The following MAP1A variants were observed in gnomAD, a reference collection of about 807,000 sequenced individuals.
MAP1A encodes microtubule associated protein 1A.
In MAP1A, 42 loss-of-function variants were observed where a neutral mutation model predicts 185.9. The ratio of observed to expected loss-of-function variants is 0.23; its 90% CI spans 0.18 to 0.29. The LOEUF is 0.29. Among genes scored for constraint, MAP1A ranks in the 10% least tolerant of loss-of-function variants. The probability of loss-of-function intolerance (pLI) is 1.00; values close to 1 mark genes in which losing one functional copy is unlikely to be tolerated. For synonymous variants in MAP1A, 1,229 were observed against 1,335.9 expected (o/e 0.92, Z 1.74); for missense variants, 2,995 against 3,450.4 (o/e 0.87, Z 3.31).
chr15:43,522,410 A>G lies in MAP1A; in HGVS notation c.937A>G (p.Ile313Val). The change falls in exon 4 of 6, where the codon ATC becomes GTC. Residue 313 changes from isoleucine (I) to valine (V), a missense_variant. By Grantham distance (29) the Ile-to-Val change is conservative (BLOSUM62 3). Around this residue, in one of 3 missense-constraint regions of MAP1A, gnomAD observed 264 missense variants for 435.3 expected, o/e 0.61. Transcript: ENST00000300231. This position sits in a 1 kb window ranked among gnomAD's most constrained non-coding sequence, Gnocchi z 5.9. ...GCCTACCAACCTCAAGCCCAGCAAA[A>G]TCAAACAGCGGGCTGATAGCAAGGA... ...AVPTNLKPSKIKQRADSKESL... is the reference protein window; with the variant it reads ...AVPTNLKPSKVKQRADSKESL... The G allele has an allele frequency of 6.2e-7, 1 of 1,614,104 alleles. No homozygotes were observed. The highest frequency in any genetic ancestry group is 8.5e-7 in the Non-Finnish European group (1 of 1,180,022).
upstream of MAP1A, among the ~76,000 whole-genome samples, chr15:43,516,743 T>C (rs1353105878): frequency 6.6e-6 from 1 of 152,202 alleles, no homozygotes; most frequent in East Asian, 1.9e-4. Flanking sequence ...AAAGTCATTA[T>C]AGGGTTTTTT....
chr15:43,524,477 C>T lies in MAP1A; in HGVS notation c.3004C>T (p.Pro1002Ser). ...VKMASPPPSG[P>S]PSATHTPFHQ... is the part of the protein sequence containing the mutation. ...GATGGCTTCTCCTCCACCATCTGGCCCACCCAGTGCCACCCACACACCCTT... is the reference window on the plus strand; with the variant it reads ...GATGGCTTCTCCTCCACCATCTGGCTCACCCAGTGCCACCCACACACCCTT... Residue 1002 changes from proline (P) to serine (S), a missense_variant, in exon 4 of 6, where the codon CCA becomes TCA. Around this residue, in one of 3 missense-constraint regions of MAP1A, gnomAD observed 2,728 missense variants for 2,986.0 expected, o/e 0.91. Transcript: ENST00000300231. The T allele has an allele frequency of 6.2e-7, 1 of 1,614,104 alleles. No individual in the cohort carries two copies. The highest frequency in any genetic ancestry group is 8.5e-7 in the Non-Finnish European group (1 of 1,180,024).
In MAP1A at chr15:43,524,830, C is replaced by T. The variant is rs551174213; in HGVS notation, c.3357C>T (p.Pro1119=). ...CAATTCTGGGAGCAGAAGCCCTTCCCGGAGGTTTGAGGACTTTACCCCAAG... is the reference window on the plus strand; with the variant it reads ...CAATTCTGGGAGCAGAAGCCCTTCCTGGAGGTTTGAGGACTTTACCCCAAG... ...TGPILGAEAL[P]GGLRTLPQEP... Residue 1119 remains proline (P), a synonymous_variant, in exon 4 of 6, where the codon CCC becomes CCT. Transcript: ENST00000300231. The T allele has an allele frequency of 4.8e-5, 78 of 1,614,100 alleles. No individual in the cohort carries two copies. The South Asian group carries it at 7.2e-4, about 15-fold the overall frequency.
At position 43,528,310 on chromosome 15, in the gene MAP1A, T is replaced by C. The variant is rs1263977202; in HGVS notation, c.6837T>C (p.Leu2279=). The C allele has an allele frequency of 6.2e-7, 1 of 1,614,106 alleles. No homozygotes were observed. The highest frequency in any genetic ancestry group is 1.3e-5 in the African/African-American group (1 of 75,062). The change falls in exon 4 of 6, where the codon CTT becomes CTC. Residue 2279 remains leucine (L), a synonymous_variant. Transcript: ENST00000300231. ...TGGCGGAGCGCTTCTCTCCAAGCCT[T>C]GAGGCTGCAGAACAGGAGTCTGGAG... ...SSVAERFSPS[L]EAAEQESGEL...
chr15:43,518,714 C>A (rs542859244), intron 1 of MAP1A, among the ~76,000 whole-genome samples: 16 of 138,398 alleles, frequency 1.2e-4, no homozygotes, highest in East Asian at 6.6e-4. Flanking sequence ...GCCCACCCCC[C>A]CCCGCAACTC....
At chr15:43,514,068 C>T (rs2079290610), upstream of MAP1A, among the ~76,000 whole-genome samples, 3 of 152,192 alleles carry the variant, frequency 2.0e-5, no homozygotes, top group South Asian at 6.2e-4. Context: ...TGGGAAGACA[C>T]TTACAGAGAG....
Position 43,524,749 on chromosome 15 carries a change from A to T in MAP1A, c.3276A>T (p.Pro1092=). ...GLTGCTIQLL[P]AQDKAIVFEI... ...CAGGCTGTACCATTCAACTGTTGCC[A>T]GCACAGGATAAAGCAATAGTCTTTG... The change falls in exon 4 of 6, where the codon CCA becomes CCT. Residue 1092 remains proline (P), a synonymous_variant. Coordinates refer to ENST00000300231, the MANE Select transcript of MAP1A (RefSeq NM_002373.6). 6.2e-7 allele frequency: 1 copy of T among 1,614,150 alleles called. No individual in the cohort carries two copies. The highest frequency in any genetic ancestry group is 8.5e-7 in the Non-Finnish European group (1 of 1,180,002).
At position 43,523,830 on chromosome 15, in the gene MAP1A, C is replaced by T. The variant is rs1192773228; in HGVS notation, c.2357C>T (p.Ala786Val). ...CCTGAAGGTGCTGGCCCATTCGAAG[C>T]CAGCCAACCTGCCGATAGTGCTGTT... ...PGPEGAGPFEASQPADSAVPA... is the reference protein window; with the variant it reads ...PGPEGAGPFEVSQPADSAVPA... Residue 786 changes from alanine (A) to valine (V), a missense_variant, in exon 4 of 6, where the codon GCC becomes GTC. Physicochemically the swap from Ala to Val is moderately conservative, Grantham distance 64. Transcript: ENST00000300231. 8 of 1,613,944 alleles carry T rather than the reference C, an allele frequency of 5.0e-6. No homozygotes were observed.
rs1019741553 is a variant in MAP1A at position 43,529,594 on chromosome 15, G to A, written c.8036-56G>A. The A allele has an allele frequency of 6.2e-7, 1 of 1,608,040 alleles. No homozygotes were observed. The highest frequency in any genetic ancestry group is 2.2e-5 in the East Asian group (1 of 44,816). On this transcript the variant is annotated intron_variant, in intron 4 of 5. Transcript: ENST00000300231. The surrounding 1 kb of genome is among the most constrained non-coding windows in gnomAD (Gnocchi z 4.3). ...ACTTCAGGAGTGGGACAGAGGGGAA[G>A]GTTGCCAAAAGGGTTCTACTTTTCC... is the stretch of plus-strand genomic sequence containing the variant.
Position 43,530,948 on chromosome 15 carries a change from A to AT in MAP1A, c.*724_*725insT, listed in dbSNP as rs2079369219. ...AGCACAAAACGGCAAGGAGAGCCCA[A>AT]GCCCCAATGCCAGAATTCTTCCAAA... On this transcript the variant is annotated 3_prime_UTR_variant, in exon 6 of 6. Coordinates refer to ENST00000300231, the MANE Select transcript of MAP1A (RefSeq NM_002373.6). 6.5e-6 allele frequency: 1 copy of AT among 152,800 alleles called. No individual in the cohort carries two copies. Among genetic ancestry groups the AT allele is most frequent in the South Asian group, 2.1e-4 (1 of 4,834 alleles). 9.5% of individuals were successfully genotyped at this position (152,800 alleles called of 1,614,324 possible). A position where few individuals can be genotyped will look rare whatever the true frequency, so the allele number is the denominator to read the frequency against.
Position 43,527,870 on chromosome 15 carries a change from A to G in MAP1A, c.6397A>G (p.Met2133Val). The G allele has an allele frequency of 7.4e-6, 12 of 1,614,024 alleles. No individual in the cohort carries two copies. Among genetic ancestry groups the G allele is most frequent in the Non-Finnish European group, 1.0e-5 (12 of 1,179,966 alleles). The part of the protein sequence containing the change: ...QSPSPPHPIP[M>V]GSPTLWPETE... ...CCCAAGTCCTCCTCACCCCATTCCTATGGGGTCCCCCACATTATGGCCAGA... is the reference window on the plus strand; with the variant it reads ...CCCAAGTCCTCCTCACCCCATTCCTGTGGGGTCCCCCACATTATGGCCAGA... The change falls in exon 4 of 6, where the codon ATG (methionine) becomes GTG (valine). Residue 2133 changes from methionine to valine, a missense_variant. Physicochemically the swap from Met to Val is conservative, Grantham distance 21. Coordinates refer to ENST00000300231, the MANE Select transcript of MAP1A (RefSeq NM_002373.6).
chr15:43,524,613 A>T lies in MAP1A; in HGVS notation c.3140A>T (p.Glu1047Val), dbSNP rs377086076. 5 of 1,614,156 alleles carry T rather than the reference A, an allele frequency of 3.1e-6. No homozygotes were observed. The highest frequency in any genetic ancestry group is 4.2e-6 in the Non-Finnish European group (5 of 1,180,008). ...PGVGKEDAAE[E>V]TVKPGPEEGT... ...GTGGGCAAAGAAGATGCTGCTGAGG[A>T]GACAGTCAAGCCAGGGCCTGAAGAG... Residue 1047 changes from glutamate to valine, a missense_variant, in exon 4 of 6, where the codon GAG (glutamate) becomes GTG (valine). Coordinates refer to ENST00000300231, the MANE Select transcript of MAP1A (RefSeq NM_002373.6).
Position 43,526,469 on chromosome 15 carries a change from G to A in MAP1A, c.4996G>A (p.Glu1666Lys), listed in dbSNP as rs891641562. ...AGAGGAGCCGGCTGGAGAACAGAAA[G>A]AGCTTGCCCCGGCATGGGAGGACAC... is the stretch of plus-strand genomic sequence containing the variant. ...TREEPAGEQKELAPAWEDTSP... is the reference protein window; with the variant it reads ...TREEPAGEQKKLAPAWEDTSP... Residue 1666 changes from glutamate to lysine, a missense_variant, in exon 4 of 6, where the codon GAG (glutamate) becomes AAG (lysine). Glu to Lys is a moderately conservative substitution (Grantham distance 56, BLOSUM62 1). Coordinates refer to ENST00000300231, the MANE Select transcript of MAP1A (RefSeq NM_002373.6). This position sits in a 1 kb window ranked among gnomAD's most constrained non-coding sequence, Gnocchi z 4.7. 4 of 1,614,034 alleles carry A rather than the reference G, an allele frequency of 2.5e-6. No individual in the cohort carries two copies. Among genetic ancestry groups the A allele is most frequent in the Admixed American group, 1.7e-5 (1 of 60,004 alleles).
rs2079336992 is a variant in MAP1A, at chr15:43,525,093, A to G, written c.3620A>G (p.Glu1207Gly). 1 of 1,614,210 alleles carries G rather than the reference A, an allele frequency of 6.2e-7. No homozygotes were observed. Among genetic ancestry groups the G allele is most frequent in the Non-Finnish European group, 8.5e-7 (1 of 1,180,026 alleles). The change falls in exon 4 of 6, where the codon GAG (glutamate) becomes GGG (glycine). Residue 1207 changes from glutamate to glycine, a missense_variant. Transcript: ENST00000300231. ...LSLSEESPSK[E>G]TSLDVSSKQL... ...CTGTCAGAAGAGAGTCCCAGCAAGG[A>G]GACCTCCCTGGATGTCTCTTCTAAG...
At position 43,522,876 on chromosome 15, in the gene MAP1A, C is replaced by T. The variant is rs757329101; in HGVS notation, c.1403C>T (p.Thr468Ile). ...KISKPDLKPF[T>I]PEVRKTLYKA... Reference sequence around the variant, plus strand: ...TCCAAGCCAGACCTAAAGCCCTTTACTCCTGAGGTACGTAAGACCCTCTAT... The same window carrying T: ...TCCAAGCCAGACCTAAAGCCCTTTATTCCTGAGGTACGTAAGACCCTCTAT... Residue 468 changes from threonine (T) to isoleucine (I), a missense_variant, in exon 4 of 6, where the codon ACT becomes ATT. This residue lies in a region of MAP1A where 2,728 missense variants were observed against 2,986.0 expected (regional missense o/e 0.91). Coordinates refer to ENST00000300231, the MANE Select transcript of MAP1A (RefSeq NM_002373.6). The surrounding 1 kb of genome is among the most constrained non-coding windows in gnomAD (Gnocchi z 5.9). 1.2e-6 allele frequency: 2 copies of T among 1,610,670 alleles called. No individual in the cohort carries two copies.
At chr15:43,519,840 G>A (rs189643910) in intron 1 of MAP1A, among the ~76,000 whole-genome samples, 22 of 152,262 alleles carry the variant, frequency 1.4e-4, no homozygotes, top group Admixed American at 8.5e-4. Context: ...CTAGGAGCGG[G>A]GCAAAGATGA....
chr15:43,524,622 A>G lies in MAP1A; in HGVS notation c.3149A>G (p.Lys1050Arg). Residue 1050 changes from lysine to arginine, a missense_variant, in exon 4 of 6, where the codon AAG becomes AGG. Coordinates refer to ENST00000300231, the MANE Select transcript of MAP1A (RefSeq NM_002373.6). ...GAAGATGCTGCTGAGGAGACAGTCAAGCCAGGGCCTGAAGAGGGCACACTA... is the reference window on the plus strand; with the variant it reads ...GAAGATGCTGCTGAGGAGACAGTCAGGCCAGGGCCTGAAGAGGGCACACTA... Reference protein sequence around the residue: ...GKEDAAEETVKPGPEEGTLEK... With the variant: ...GKEDAAEETVRPGPEEGTLEK... 6.2e-7 allele frequency: 1 copy of G among 1,614,174 alleles called. No individual in the cohort carries two copies. The highest frequency in any genetic ancestry group is 8.5e-7 in the Non-Finnish European group (1 of 1,180,012).
Position 43,521,502 on chromosome 15 carries a change from ATG to A in MAP1A, c.31_32del (p.Val11LeufsTer2), listed in dbSNP as rs1430415186. ...GACGGCGTGGCTGAGTTCTCCGAGTATGTCTCTGAGACTGTGGACGTGCCATC... is the reference window on the plus strand; with the variant it reads ...GACGGCGTGGCTGAGTTCTCCGAGTATCTCTGAGACTGTGGACGTGCCATC... On this transcript the variant is annotated frameshift_variant, in exon 4 of 6. Transcript: ENST00000300231. LOFTEE classifies it high-confidence loss of function. This position sits in a 1 kb window ranked among gnomAD's most constrained non-coding sequence, Gnocchi z 4.6. 6.2e-7 allele frequency: 1 copy of A among 1,614,090 alleles called. No individual in the cohort carries two copies. The highest frequency in any genetic ancestry group is 8.5e-7 in the Non-Finnish European group (1 of 1,180,018).
chr15:43,523,760 C>CCAGCTCCACCCAGATTTCATA lies in MAP1A; in HGVS notation c.2290_2310dup (p.Ala764_Thr770dup). 6.2e-7 allele frequency: 1 copy of CCAGCTCCACCCAGATTTCATA among 1,614,040 alleles called. No individual in the cohort carries two copies. Among genetic ancestry groups the CCAGCTCCACCCAGATTTCATA allele is most frequent in the Non-Finnish European group, 8.5e-7 (1 of 1,180,010 alleles). ...GATCCATGATGAGCCGGAGGAGCGC[C>CCAGCTCCACCCAGATTTCATA]CAGCTCCACCCAGATTTCATACAAG... On this transcript the variant is annotated inframe_insertion, in exon 4 of 6. Transcript: ENST00000300231.
Sources: gnomAD v4.1 joint callset for allele counts (sites outside exome capture counted in the v4.1 genomes callset) on GRCh38, gnomAD v4.1.1 for gene constraint, gnomAD v4.1.1 regional missense constraint, Gnocchi (gnomAD v3.1) non-coding constraint, MANE v1.5 for transcripts, NCBI Gene and HGNC (gene_info 2026-07-23, HGNC 2026-07-21) for gene names.